Variants in NMBR observed in about 807,000 individuals in gnomAD.
NMBR encodes the protein neuromedin-B receptor.
Under a neutral mutation model 20.5 loss-of-function variants are expected in NMBR, and 16 were observed. The ratio of observed to expected loss-of-function variants is 0.78; its 90% CI spans 0.53 to 1.19. The LOEUF (loss-of-function observed/expected upper bound fraction) is 1.19, where lower values mean the gene tolerates loss of function less well. Among genes scored for constraint, NMBR ranks in the 50% most tolerant of loss-of-function variants. The probability of loss-of-function intolerance (pLI) is 0.00; values close to 1 mark genes in which losing one functional copy is unlikely to be tolerated. For missense variants in NMBR, 582 were observed against 499.1 expected (o/e 1.17, Z -1.58); for synonymous variants, 212 against 196.6 (o/e 1.08, Z -0.65).
chr6:142,137,754 A>G (rs1251809432), intron 1 of NMBR, among the ~76,000 whole-genome samples: 1 of 152,108 alleles, frequency 6.6e-6, no homozygotes, highest in African/African-American at 2.4e-5. Flanking sequence ...TGAGATAATC[A>G]TGTGGTTTTT....
chr6:142,128,597 A>G (rs754635283), intron 1 of NMBR, among the ~76,000 whole-genome samples: 2 of 152,044 alleles, frequency 1.3e-5, no homozygotes, highest in African/African-American at 4.8e-5. Flanking sequence ...AATTTTGTCA[A>G]ATGATCTTTC....
chr6:142,078,627 A>T lies in NMBR; in HGVS notation c.699T>A (p.Tyr233Ter), dbSNP rs770631729. The T allele has an allele frequency of 1.8e-5, 29 of 1,613,152 alleles. No individual in the cohort carries two copies. The South Asian group carries it at 2.5e-4, about 14-fold the overall frequency. ...TTTTAATTAAGGTCTTTGCAATATG[A>T]TAATAATAAATGCTAATAATAGCAA... ...IPLAIISIYY[Y>*]HIAKTLIKSA... The change falls in exon 3 of 4, where the codon TAT (tyrosine) becomes TAA (stop). Residue 233 changes from tyrosine (Y) to a stop codon, truncating the protein, a stop_gained. Coordinates refer to ENST00000258042, the MANE Select transcript of NMBR (RefSeq NM_002511.4). LOFTEE classifies it high-confidence loss of function.
At chr6:142,102,857 G>A (rs1017218356) in intron 1 of NMBR, among the ~76,000 whole-genome samples, 3 of 152,180 alleles carry the variant, frequency 2.0e-5, no homozygotes, top group Non-Finnish European at 4.4e-5. Context: ...GTACACAACA[G>A]ATGCCCTTTT....
intron 1 of NMBR, among the ~76,000 whole-genome samples, chr6:142,141,567 C>T (rs745454622): frequency 4.7e-5 from 7 of 150,122 alleles, no homozygotes; most frequent in African/African-American, 9.8e-5. Context: ...TGCAGTGTTG[C>T]GATCACGACT....
intron 1 of NMBR, among the ~76,000 whole-genome samples, chr6:142,127,886 T>G (rs1014621433): frequency 6.6e-6 from 1 of 152,134 alleles, no homozygotes; most frequent in African/African-American, 2.4e-5. Context: ...ACAGGATTTT[T>G]TGGTTGAGTC....
At position 142,147,065 on chromosome 6, in the gene NMBR, T is replaced by A. The variant is rs749473364; in HGVS notation, c.-685A>T. Reference sequence around the variant, plus strand: ...CTACCAGCAGAGAGCGCTAGCGCCATGCGCGGCATAAGCGCCAAAATGCTC... The same window carrying A: ...CTACCAGCAGAGAGCGCTAGCGCCAAGCGCGGCATAAGCGCCAAAATGCTC... On this transcript the variant is annotated 5_prime_UTR_variant, in exon 1 of 4. The change abolishes an upstream ATG in the 5' untranslated region. Coordinates refer to ENST00000258042, the MANE Select transcript of NMBR (RefSeq NM_002511.4). The A allele has an allele frequency of 3.5e-6, 2 of 563,382 alleles. No homozygotes were observed. Among genetic ancestry groups the A allele is most frequent in the African/African-American group, 1.9e-5 (1 of 53,636 alleles). The allele number at this position is 563,382 out of a possible 1,614,324, so 34.9% of individuals were successfully genotyped here.
At chr6:142,140,831 C>G (rs1173414463) in intron 1 of NMBR, among the ~76,000 whole-genome samples, 2 of 151,938 alleles carry the variant, frequency 1.3e-5, no homozygotes. Context: ...GGAATGATGA[C>G]AGAGATTAAA....
At chr6:142,076,145 A>G (rs1022113384) in intron 3 of NMBR, 96 bp from the exon 4 acceptor site, 22 of 883,800 alleles carry the variant, frequency 2.5e-5, no homozygotes, top group Non-Finnish European at 3.8e-5. Flanking sequence ...AATTTACAGC[A>G]TGATAATACA....
chr6:142,136,687 G>C (rs1778263818), intron 1 of NMBR, among the ~76,000 whole-genome samples: 1 of 152,162 alleles, frequency 6.6e-6, no homozygotes, highest in Non-Finnish European at 1.5e-5. Flanking sequence ...GTGTAAGGAA[G>C]GGATCCAGTT....
In NMBR at chr6:142,075,906, G is replaced by A. The variant is rs1471726269; in HGVS notation, c.915C>T (p.Val305=). 6.2e-7 allele frequency: 1 copy of A among 1,614,056 alleles called. No homozygotes were observed. The highest frequency in any genetic ancestry group is 1.7e-5 in the Admixed American group (1 of 59,992). The change falls in exon 4 of 4, where the codon GTC becomes GTT. Residue 305 remains valine, a synonymous_variant. Coordinates refer to ENST00000258042, the MANE Select transcript of NMBR (RefSeq NM_002511.4). ...EIDPSLGHMI[V]TLVARVLSFG... ...AACTGAGAACCCGGGCAACTAAGGT[G>A]ACAATCATGTGGCCTAGAGATGGAT...
rs111421592 is a variant in NMBR at position 142,090,187 on chromosome 6, T to G, written c.-663-866A>C. 2.6e-4 allele frequency among the ~76,000 whole-genome samples: 39 copies of G among 152,278 alleles called. No individual in the cohort carries two copies. The South Asian group carries it at 6.2e-3, about 24-fold the overall frequency. ...CTGATCAGAAATGGTGGCTCAGTTC[T>G]GGAGTTAGCTAAATAACACTCTTCA... On this transcript the variant is annotated intron_variant, in intron 1 of 3. Coordinates refer to ENST00000258042, the MANE Select transcript of NMBR (RefSeq NM_002511.4).
intron 1 of NMBR, among the ~76,000 whole-genome samples, chr6:142,146,243 T>C (rs1009970135): frequency 9.2e-5 from 14 of 152,160 alleles, no homozygotes; most frequent in African/African-American, 3.1e-4. Context: ...AGCGGTTTCT[T>C]CTGGGGGTGA....
intron 1 of NMBR, among the ~76,000 whole-genome samples, chr6:142,121,709 A>G (rs1194600838): frequency 6.6e-6 from 1 of 151,512 alleles, no homozygotes; most frequent in Non-Finnish European, 1.5e-5. Flanking sequence ...GCCTTAAAAA[A>G]ATACGCTAAA....
In NMBR at chr6:142,088,586, A is replaced by G; in HGVS notation, c.73T>C (p.Trp25Arg). Residue 25 changes from tryptophan to arginine, a missense_variant, in exon 2 of 4, where the codon TGG becomes CGG. By Grantham distance (101) the Trp-to-Arg change is moderately radical. Coordinates refer to ENST00000258042, the MANE Select transcript of NMBR (RefSeq NM_002511.4). ...GAGGCCGGCAGGAAATCCCTTTCCC[A>G]CCCCTCGGGAACGGAACCGCTCTCA... The part of the protein sequence containing the change: ...ANESGSVPEG[W>R]ERDFLPASDG... The G allele has an allele frequency of 1.9e-6, 3 of 1,612,718 alleles. No individual in the cohort carries two copies. The highest frequency in any genetic ancestry group is 2.5e-6 in the Non-Finnish European group (3 of 1,179,862).
At chr6:142,079,064 G>GAA (rs1289790747) in intron 2 of NMBR, among the ~76,000 whole-genome samples, 161 bp from the exon 3 acceptor site, 38 of 117,796 alleles carry the variant, frequency 3.2e-4, no homozygotes, top group Admixed American at 4.6e-4. Context: ...GAGAAAGAGA[G>GAA]AGAGAAAGAG....
At position 142,088,567 on chromosome 6, in the gene NMBR, G is replaced by A. The variant is rs1186991025; in HGVS notation, c.92C>T (p.Pro31Leu). The part of the protein sequence containing the change: ...VPEGWERDFL[P>L]ASDGTTTELV... ...CTCCGTGGTGGTCCCGTCCGAGGCCGGCAGGAAATCCCTTTCCCACCCCTC... is the reference window on the plus strand; with the variant it reads ...CTCCGTGGTGGTCCCGTCCGAGGCCAGCAGGAAATCCCTTTCCCACCCCTC... The change falls in exon 2 of 4, where the codon CCG becomes CTG. Residue 31 changes from proline to leucine, a missense_variant. Physicochemically the swap from Pro to Leu is moderately conservative, Grantham distance 98 (BLOSUM62 -3). Transcript: ENST00000258042. 5 of 1,613,734 alleles carry A rather than the reference G, an allele frequency of 3.1e-6. No homozygotes were observed. Among genetic ancestry groups the A allele is most frequent in the South Asian group, 1.1e-5 (1 of 91,052 alleles).
At chr6:142,140,183 T>TA (rs1320642503) in intron 1 of NMBR, among the ~76,000 whole-genome samples, 2 of 152,016 alleles carry the variant, frequency 1.3e-5, no homozygotes, top group Non-Finnish European at 2.9e-5. Context: ...AGGATATAGG[T>TA]AAAAAGTAAC....
At chr6:142,107,879 TAA>T (rs1228393440) in intron 1 of NMBR, among the ~76,000 whole-genome samples, 1 of 151,452 alleles carries the variant, frequency 6.6e-6, no homozygotes, top group African/African-American at 2.4e-5. Context: ...AAAAAAAAAG[TAA>T]AAGTTATTTT....
intron 1 of NMBR, among the ~76,000 whole-genome samples, chr6:142,131,135 A>C (rs539225081): frequency 6.0e-4 from 91 of 152,292 alleles, no homozygotes; most frequent in African/African-American, 1.7e-3. Context: ...CTAGATCAAG[A>C]GTAGCCACAT....
Sources: allele counts gnomAD v4.1 joint callset (sites outside exome capture counted in the v4.1 genomes callset), GRCh38; gene constraint gnomAD v4.1.1; transcripts MANE v1.5; gene names NCBI Gene and HGNC (gene_info 2026-07-23, HGNC 2026-07-21).